The following GPHN variants were observed in gnomAD, a reference collection of about 807,000 sequenced individuals.
GPHN encodes the protein gephyrin.
A neutral mutation model predicts 95.5 loss-of-function variants in GPHN; 17 were observed. The observed-to-expected ratio is 0.18, with a 90% CI of 0.12 to 0.27. The LOEUF (loss-of-function observed/expected upper bound fraction) is 0.27, where lower values mean the gene tolerates loss of function less well. Ranked by LOEUF, GPHN falls within the 10% of genes least tolerant of loss-of-function variation. The pLI is 1.00. For missense variants in GPHN, 660 were observed against 978.1 expected, an observed-to-expected ratio of 0.67 and a Z score of 4.34; for synonymous variants, 320 against 322.5, an observed-to-expected ratio of 0.99 and a Z score of 0.08.
At chr14:66,820,119 C>T (rs1451387611) in intron 3 of GPHN, among the ~76,000 whole-genome samples, 1 of 152,080 alleles carries the variant, frequency 6.6e-6, no homozygotes, top group Non-Finnish European at 1.5e-5. Context: ...TTGGTTGAAT[C>T]CTTGCTATGA....
chr14:67,334,262 T>A, the GPHN span: 4 of 152,650 alleles, frequency 2.6e-5, no homozygotes, highest in Admixed American at 6.5e-5. Flanking sequence ...AATAGGATTT[T>A]CGTACTGTCT....
chr14:67,391,271 A>ATGTGTGTGTGTGTG, the GPHN span, among the ~76,000 whole-genome samples: 1,283 of 143,872 alleles, frequency 8.9e-3, 19 homozygotes, highest in Admixed American at 0.038. Context: ...AGCAGCTGAT[A>ATGTGTGTGTGTGTG]TGTGTGTGTG....
At chr14:67,549,515 C>T in the GPHN span, among the ~76,000 whole-genome samples, 3 of 152,164 alleles carry the variant, frequency 2.0e-5, no homozygotes, top group African/African-American at 7.2e-5. Context: ...AAGTGATCCG[C>T]CTGCCTCGGC....
intron 4 of GPHN, among the ~76,000 whole-genome samples, chr14:66,876,766 C>CA (rs1193679360): frequency 6.6e-6 from 1 of 151,784 alleles, no homozygotes; most frequent in East Asian, 1.9e-4. Flanking sequence ...GCATACCAAC[C>CA]AAAAAAAGCC....
chr14:66,515,724 G>T (rs1236573560), intron 1 of GPHN, among the ~76,000 whole-genome samples: 3 of 152,064 alleles, frequency 2.0e-5, no homozygotes, highest in African/African-American at 7.3e-5. Flanking sequence ...TACCTTGATG[G>T]GTTAATGTGA....
chr14:67,439,466 G>A, the GPHN span, among the ~76,000 whole-genome samples: 5 of 152,198 alleles, frequency 3.3e-5, no homozygotes, highest in African/African-American at 1.2e-4. Context: ...AAAGGTGCAA[G>A]GTTGAAAGAT....
chr14:67,381,468 GTA>G, the GPHN span: 1 of 657,704 alleles, frequency 1.5e-6, no homozygotes, highest in Non-Finnish European at 2.6e-6. Flanking sequence ...AGGAACTGCA[GTA>G]TAGAGAGGTT....
At chr14:66,627,820 G>C (rs2063580733) in intron 1 of GPHN, among the ~76,000 whole-genome samples, 3 of 152,002 alleles carry the variant, frequency 2.0e-5, no homozygotes, top group Admixed American at 1.3e-4. Flanking sequence ...TTCTCTCTTT[G>C]TCTGCTTTCA....
chr14:66,834,555 A>G (rs2061715232), intron 4 of GPHN, among the ~76,000 whole-genome samples: 1 of 151,710 alleles, frequency 6.6e-6, no homozygotes, highest in African/African-American at 2.4e-5. Flanking sequence ...GCTGGATTAC[A>G]TTTATTGATT....
Position 67,151,572 on chromosome 14 carries a change from A to G in GPHN, c.1837-7843A>G, listed in dbSNP as rs2081290007. Among the ~76,000 whole-genome samples the G allele has an allele frequency of 2.6e-5, 4 of 152,238 alleles. No individual in the cohort carries two copies. In the South Asian group the frequency reaches 8.3e-4, roughly 32 times the overall value. On this transcript the variant is annotated intron_variant, in intron 18 of 22. Transcript: ENST00000478722. ...CAAAATAGAGAAACCAAAAGTTACC[A>G]AAGTTACAGTTTTATTGCTGCTTGG...
rs567758145 is a variant in GPHN at position 66,931,782 on chromosome 14, T to G, written c.828+7490T>G. Reference sequence around the variant, plus strand: ...GTTCATTCTCTGTGTTATCTTTCATTTTGTTGAGCTTCCTCAAAACAACTA... The same window carrying G: ...GTTCATTCTCTGTGTTATCTTTCATGTTGTTGAGCTTCCTCAAAACAACTA... On this transcript the variant is annotated intron_variant, in intron 8 of 22. Coordinates refer to ENST00000478722, the MANE Select transcript of GPHN (RefSeq NM_020806.5). Among the ~76,000 whole-genome samples the G allele has an allele frequency of 1.2e-4, 19 of 152,368 alleles. 2 individuals carry two copies. In the South Asian group the frequency reaches 3.9e-3, roughly 32 times the overall value.
the GPHN span, among the ~76,000 whole-genome samples, chr14:67,362,760 TTTAAG>T: frequency 1.3e-5 from 2 of 152,082 alleles, no homozygotes; most frequent in African/African-American, 4.8e-5. Flanking sequence ...AAAAAAAAAA[TTTAAG>T]TTATTAGCAT....
the GPHN span, among the ~76,000 whole-genome samples, chr14:67,282,749 C>T: frequency 6.6e-6 from 1 of 152,070 alleles, no homozygotes; most frequent in African/African-American, 2.4e-5. Flanking sequence ...TTAAAGCTTG[C>T]TTTGTTACAA....
At chr14:66,693,849 T>C (rs1444012335) in intron 2 of GPHN, among the ~76,000 whole-genome samples, 1 of 152,178 alleles carries the variant, frequency 6.6e-6, no homozygotes, top group Non-Finnish European at 1.5e-5. Context: ...ATTTTCATAA[T>C]ACTCTGTTAA....
At chr14:66,541,666 A>C (rs2059357933) in intron 1 of GPHN, among the ~76,000 whole-genome samples, 2 of 152,222 alleles carry the variant, frequency 1.3e-5, no homozygotes, top group South Asian at 4.1e-4. Flanking sequence ...ATCATTTGGA[A>C]GTTTGGACAC....
chr14:67,440,650 G>T, the GPHN span, among the ~76,000 whole-genome samples: 3 of 152,056 alleles, frequency 2.0e-5, no homozygotes, highest in Non-Finnish European at 2.9e-5. Context: ...TACTTGGGTG[G>T]CTGAGGCACG....
chr14:66,964,360 G>A (rs1234227993), intron 8 of GPHN, among the ~76,000 whole-genome samples: 1 of 152,108 alleles, frequency 6.6e-6, no homozygotes, highest in Admixed American at 6.6e-5. Flanking sequence ...TCAGATAAAG[G>A]AAGTAGCAAT....
At chr14:67,614,844 G>A in the GPHN span, 1 of 138,864 alleles carries the variant, frequency 7.2e-6, no homozygotes, top group Non-Finnish European at 1.6e-5. Context: ...ATGTCCTTGA[G>A]GTTTTTTTTT....
At chr14:66,732,654 C>T (rs771036643) in intron 2 of GPHN, among the ~76,000 whole-genome samples, 1 of 151,742 alleles carries the variant, frequency 6.6e-6, no homozygotes, top group Admixed American at 6.6e-5. Context: ...GTAGCTGGTA[C>T]TACAGGCACG....
Sources: gnomAD v4.1 joint callset for allele counts (sites outside exome capture counted in the v4.1 genomes callset) on GRCh38, gnomAD v4.1.1 for gene constraint, MANE v1.5 for transcripts, NCBI Gene and HGNC (gene_info 2026-07-23, HGNC 2026-07-21) for gene names.